The following LRRTM3 variants were observed in gnomAD, a reference collection of about 807,000 sequenced individuals.
The protein encoded by LRRTM3 is leucine rich repeat transmembrane neuronal 3, also known as leucine-rich repeat transmembrane neuronal protein 3.
In LRRTM3, 24 loss-of-function variants were observed where a neutral mutation model predicts 44.7. The ratio of observed to expected loss-of-function variants is 0.54; its 90% CI spans 0.39 to 0.76. The LOEUF (loss-of-function observed/expected upper bound fraction) is 0.76. Among genes scored for constraint, LRRTM3 ranks in the 30% least tolerant of loss-of-function variants. LRRTM3 has a pLI of 0.00. For synonymous variants in LRRTM3, 277 were observed against 278.7 expected (o/e 0.99, Z 0.06); for missense variants, 587 against 702.2 (o/e 0.84, Z 1.85).
Position 66,927,926 on chromosome 10 carries a change from C to A in LRRTM3, c.1010C>A (p.Thr337Lys), listed in dbSNP as rs1438046098. The A allele has an allele frequency of 2.5e-6, 4 of 1,614,244 alleles. No individual in the cohort carries two copies. Among genetic ancestry groups the A allele is most frequent in the South Asian group, 1.1e-5 (1 of 91,088 alleles). ...AGTTTTAAAGGTCTAAGGGAGAATA[C>A]AATTATCTGTGCCAGTCCCAAAGAG... The part of the protein sequence containing the change: ...LKSFKGLREN[T>K]IICASPKELQ... Residue 337 changes from threonine (T) to lysine (K), a missense_variant, in exon 2 of 3, where the codon ACA (threonine) becomes AAA (lysine). Physicochemically the swap from Thr to Lys is moderately conservative, Grantham distance 78. Around this residue, in one of 3 missense-constraint regions of LRRTM3, gnomAD observed 315 missense variants for 335.6 expected, o/e 0.94. Coordinates refer to ENST00000361320, the MANE Select transcript of LRRTM3 (RefSeq NM_178011.5). The surrounding 1 kb of genome is among the most constrained non-coding windows in gnomAD (Gnocchi z 4.7).
intron 2 of LRRTM3, among the ~76,000 whole-genome samples, chr10:66,965,870 T>A (rs1220893173): frequency 3.3e-5 from 5 of 152,226 alleles, no homozygotes; most frequent in Non-Finnish European, 7.3e-5. Flanking sequence ...TGCCTTCCCA[T>A]CATTATAAAA....
chr10:67,094,362 C>A (rs528818832), intron 2 of LRRTM3, among the ~76,000 whole-genome samples: 8 of 151,602 alleles, frequency 5.3e-5, no homozygotes, highest in Non-Finnish European at 1.2e-4. Flanking sequence ...TGAACTAGGT[C>A]TTTTAAATTG....
chr10:66,933,542 G>T (rs1847525985), intron 2 of LRRTM3, among the ~76,000 whole-genome samples: 1 of 152,120 alleles, frequency 6.6e-6, no homozygotes, highest in Non-Finnish European at 1.5e-5. Flanking sequence ...TGAGCAAAAA[G>T]TAATTGCATA....
At chr10:67,049,136 G>A (rs1436646695) in intron 2 of LRRTM3, among the ~76,000 whole-genome samples, 1 of 151,740 alleles carries the variant, frequency 6.6e-6, no homozygotes, top group African/African-American at 2.4e-5. Context: ...TTCCATGCAG[G>A]ATAATGTTAG....
intron 2 of LRRTM3, among the ~76,000 whole-genome samples, chr10:67,036,494 T>C (rs540313983): frequency 4.3e-4 from 65 of 152,124 alleles, no homozygotes; most frequent in African/African-American, 1.5e-3. Flanking sequence ...TGAAACCCCG[T>C]CTCTACTAAA....
intron 2 of LRRTM3, among the ~76,000 whole-genome samples, chr10:67,033,448 A>G (rs1853855350): frequency 6.6e-6 from 1 of 152,228 alleles, no homozygotes; most frequent in Non-Finnish European, 1.5e-5. Flanking sequence ...CTATGTATCA[A>G]TACTTGGTCA....
intron 2 of LRRTM3, among the ~76,000 whole-genome samples, chr10:67,025,451 G>A (rs1295794128): frequency 6.6e-6 from 1 of 151,710 alleles, no homozygotes; most frequent in East Asian, 1.9e-4. Context: ...ACAATGCTTG[G>A]GAAAATAAGA....
At chr10:67,087,463 A>G (rs1230477336) in intron 2 of LRRTM3, among the ~76,000 whole-genome samples, 1 of 151,988 alleles carries the variant, frequency 6.6e-6, no homozygotes, top group Non-Finnish European at 1.5e-5. Flanking sequence ...TATTTTTAAT[A>G]TTCTTTTAAA....
chr10:66,977,116 T>C (rs957760097), intron 2 of LRRTM3, among the ~76,000 whole-genome samples: 11 of 152,106 alleles, frequency 7.2e-5, no homozygotes, highest in African/African-American at 2.7e-4. Context: ...AATGGCAAGA[T>C]TTGTTTAAAG....
intron 2 of LRRTM3, among the ~76,000 whole-genome samples, chr10:67,055,755 G>A (rs1855387997): frequency 6.6e-6 from 1 of 152,128 alleles, no homozygotes; most frequent in South Asian, 2.1e-4. Context: ...GGCAGAGGAT[G>A]AAAGATGTAC....
chr10:67,088,014 C>A (rs1019423607), intron 2 of LRRTM3, among the ~76,000 whole-genome samples: 2 of 151,666 alleles, frequency 1.3e-5, no homozygotes, highest in Non-Finnish European at 1.5e-5. Context: ...AAGACATAAT[C>A]TAAAAACAGA....
chr10:66,947,882 G>T (rs1848352480), intron 2 of LRRTM3, among the ~76,000 whole-genome samples: 1 of 152,164 alleles, frequency 6.6e-6, no homozygotes, highest in East Asian at 1.9e-4. Context: ...AGGCAATTTT[G>T]TCATTGTGCG....
chr10:67,028,905 T>G (rs1853555872), intron 2 of LRRTM3, among the ~76,000 whole-genome samples: 1 of 152,116 alleles, frequency 6.6e-6, no homozygotes, highest in African/African-American at 2.4e-5. Context: ...AACATTTTGG[T>G]GCAAGCATAA....
chr10:67,055,232 GT>G (rs1456004756), intron 2 of LRRTM3, among the ~76,000 whole-genome samples: 1 of 152,106 alleles, frequency 6.6e-6, no homozygotes, highest in Admixed American at 6.5e-5. Context: ...ACATAAGTTT[GT>G]TTTTTATCCC....
intron 2 of LRRTM3, among the ~76,000 whole-genome samples, chr10:67,092,163 G>A (rs1482064168): frequency 6.6e-6 from 1 of 151,852 alleles, no homozygotes; most frequent in East Asian, 1.9e-4. Flanking sequence ...GATCAAAAAT[G>A]ATATTTACAA....
chr10:67,069,251 T>A, intron 2 of LRRTM3, among the ~76,000 whole-genome samples: 1 of 151,846 alleles, frequency 6.6e-6, no homozygotes, highest in East Asian at 1.9e-4. Flanking sequence ...TTTAAAAAAA[T>A]TAGAGAATCT....
intron 2 of LRRTM3, among the ~76,000 whole-genome samples, chr10:67,056,485 G>A (rs1855438406): frequency 6.6e-6 from 1 of 152,034 alleles, no homozygotes; most frequent in Admixed American, 6.6e-5. Context: ...TAAGCTTCAG[G>A]CTTGTGAAAC....
At chr10:67,042,223 G>T (rs1271820947) in intron 2 of LRRTM3, among the ~76,000 whole-genome samples, 9 of 152,220 alleles carry the variant, frequency 5.9e-5, no homozygotes, top group African/African-American at 2.2e-4. Flanking sequence ...TTTCAATAGT[G>T]CAGGGGATGA....
intron 2 of LRRTM3, among the ~76,000 whole-genome samples, chr10:67,025,134 AC>A (rs144688394): frequency 0.78 from 96,270 of 124,034 alleles, 38,791 homozygotes; most frequent in South Asian, 0.91. Context: ...TCTGTCAAAA[AC>A]AAAAAAAAAA....
Sources: allele counts gnomAD v4.1 joint callset (sites outside exome capture counted in the v4.1 genomes callset), GRCh38; gene constraint gnomAD v4.1.1; regional missense constraint gnomAD v4.1.1; non-coding constraint Gnocchi (gnomAD v3.1); transcripts MANE v1.5; gene names NCBI Gene and HGNC (gene_info 2026-07-23, HGNC 2026-07-21).